The following DDX10 variants were observed in gnomAD, a reference collection of about 807,000 sequenced individuals.
DDX10 encodes DEAD-box helicase 10, also known as probable ATP-dependent RNA helicase DDX10.
In DDX10, 74 loss-of-function variants were observed where a neutral mutation model predicts 104.3. That is an observed-to-expected ratio of 0.71 (90% CI 0.59 to 0.86). DDX10 has a LOEUF of 0.86. Among genes scored for constraint, DDX10 ranks in the 40% least tolerant of loss-of-function variants. The pLI, the probability that DDX10 is intolerant of heterozygous loss-of-function variation, is 0.00. For missense variants in DDX10, 952 were observed against 1,040.0 expected (o/e 0.92, Z 1.16); for synonymous variants, 351 against 353.4 (o/e 0.99, Z 0.08).
chr11:108,743,013 G>A (rs569386596), intron 13 of DDX10, among the ~76,000 whole-genome samples: 1 of 152,166 alleles, frequency 6.6e-6, no homozygotes, highest in Admixed American at 6.5e-5. Context: ...GAGGAGAAGG[G>A]ACCTCCTCCT....
At chr11:108,789,127 C>G (rs12807367) in intron 13 of DDX10, among the ~76,000 whole-genome samples, 3 of 152,106 alleles carry the variant, frequency 2.0e-5, no homozygotes, top group Non-Finnish European at 4.4e-5. Flanking sequence ...AAAGGAAGTT[C>G]TAAATAATTG....
At chr11:108,861,467 A>G (rs1238656777) in intron 16 of DDX10, among the ~76,000 whole-genome samples, 1 of 152,248 alleles carries the variant, frequency 6.6e-6, no homozygotes, top group Admixed American at 6.5e-5. Flanking sequence ...GAAATGTTAT[A>G]TATGAAGGAA....
At chr11:108,933,897 C>T (rs949697581) in intron 17 of DDX10, among the ~76,000 whole-genome samples, 4 of 152,186 alleles carry the variant, frequency 2.6e-5, no homozygotes, top group African/African-American at 9.7e-5. Context: ...TGGGTTTATT[C>T]ATGTCTTCAA....
At chr11:108,665,601 C>T (rs1372062167) in intron 1 of DDX10, among the ~76,000 whole-genome samples, 2 of 152,064 alleles carry the variant, frequency 1.3e-5, no homozygotes, top group Admixed American at 6.5e-5. Context: ...CAGTCATATT[C>T]ATATTAATAA....
At chr11:108,870,747 C>G (rs762150080) in intron 16 of DDX10, among the ~76,000 whole-genome samples, 3 of 152,158 alleles carry the variant, frequency 2.0e-5, no homozygotes, top group Non-Finnish European at 4.4e-5. Flanking sequence ...TAAATACATA[C>G]TAGTTTGTTG....
intron 16 of DDX10, among the ~76,000 whole-genome samples, chr11:108,891,286 T>C (rs1364894187): frequency 1.3e-5 from 2 of 152,218 alleles, no homozygotes; most frequent in East Asian, 3.9e-4. Flanking sequence ...CAGTGGTTCC[T>C]GTGCTCCCAA....
chr11:108,794,795 G>A (rs1168687127), intron 13 of DDX10, among the ~76,000 whole-genome samples: 1 of 151,546 alleles, frequency 6.6e-6, no homozygotes, highest in African/African-American at 2.4e-5. Flanking sequence ...CTATGTTTGC[G>A]AAACCTGTTC....
rs561629858 is a variant in DDX10 at position 108,929,192 on chromosome 11, G to A, written c.2451-11054G>A. Reference sequence around the variant, plus strand: ...ACTGGACCCCAGCCCCTCATAGAGCGTACGCTCCAGCAAGAGAGACAGACC... The same window carrying A: ...ACTGGACCCCAGCCCCTCATAGAGCATACGCTCCAGCAAGAGAGACAGACC... On this transcript the variant is annotated intron_variant, in intron 17 of 17. Transcript: ENST00000322536. Among the ~76,000 whole-genome samples the A allele has an allele frequency of 1.2e-4, 18 of 152,272 alleles. No homozygotes were observed. The South Asian group carries it at 3.1e-3, about 26-fold the overall frequency.
At chr11:108,713,934 A>C (rs2094287934) in intron 10 of DDX10, among the ~76,000 whole-genome samples, 1 of 152,112 alleles carries the variant, frequency 6.6e-6, no homozygotes. Context: ...ACCCCAACTT[A>C]AGTGGGAAAG....
chr11:108,939,753 T>G (rs1864082168), intron 17 of DDX10, among the ~76,000 whole-genome samples: 1 of 152,242 alleles, frequency 6.6e-6, no homozygotes, highest in South Asian at 2.1e-4. Flanking sequence ...ATTTGATGTC[T>G]TAACTAATCT....
intron 16 of DDX10, among the ~76,000 whole-genome samples, chr11:108,892,560 G>A (rs1221724322): frequency 6.6e-6 from 1 of 151,982 alleles, no homozygotes; most frequent in African/African-American, 2.4e-5. Flanking sequence ...AGTAATGCCC[G>A]TGCAATCAGC....
At chr11:108,714,246 C>T (rs1024952335) in intron 10 of DDX10, among the ~76,000 whole-genome samples, 11 of 152,176 alleles carry the variant, frequency 7.2e-5, no homozygotes, top group Admixed American at 2.0e-4. Context: ...ATTGAGGCTC[C>T]AGCAGGTTTT....
chr11:108,884,387 T>C (rs1863266673), intron 16 of DDX10, among the ~76,000 whole-genome samples: 1 of 152,140 alleles, frequency 6.6e-6, no homozygotes, highest in Admixed American at 6.5e-5. Context: ...AGTCTACATA[T>C]GGACCATCCG....
intron 16 of DDX10, among the ~76,000 whole-genome samples, chr11:108,883,363 A>T (rs567908462): frequency 1.3e-5 from 2 of 152,252 alleles, no homozygotes; most frequent in East Asian, 3.9e-4. Context: ...GTGCCTTTCC[A>T]TCTGTTACCA....
chr11:108,830,154 G>A (rs1271027074), intron 13 of DDX10, among the ~76,000 whole-genome samples: 1 of 152,158 alleles, frequency 6.6e-6, no homozygotes, highest in African/African-American at 2.4e-5. Context: ...GCTTTTGACA[G>A]TATGGTCATT....
chr11:108,709,304 T>C (rs1375383592), intron 10 of DDX10, among the ~76,000 whole-genome samples: 1 of 152,220 alleles, frequency 6.6e-6, no homozygotes, highest in Non-Finnish European at 1.5e-5. Flanking sequence ...AGTGGCCTCA[T>C]AGAATGAGTT....
At chr11:108,874,139 T>G (rs1425271847) in intron 16 of DDX10, among the ~76,000 whole-genome samples, 1 of 152,110 alleles carries the variant, frequency 6.6e-6, no homozygotes, top group Non-Finnish European at 1.5e-5. Context: ...GGATATGCAG[T>G]AAAATCAGTG....
intron 10 of DDX10, among the ~76,000 whole-genome samples, chr11:108,710,283 A>G (rs1468570620): frequency 1.3e-5 from 2 of 152,066 alleles, no homozygotes; most frequent in African/African-American, 4.8e-5. Context: ...TTCTTCAGTA[A>G]CCTTAGCTTG....
intron 17 of DDX10, among the ~76,000 whole-genome samples, chr11:108,938,692 T>C (rs937991412): frequency 2.0e-5 from 3 of 152,200 alleles, no homozygotes; most frequent in African/African-American, 7.2e-5. Flanking sequence ...AATGCAGTGA[T>C]TTGTGGCTTT....
Sources: gnomAD v4.1 joint callset for allele counts (sites outside exome capture counted in the v4.1 genomes callset) on GRCh38, gnomAD v4.1.1 for gene constraint, MANE v1.5 for transcripts, NCBI Gene and HGNC (gene_info 2026-07-23, HGNC 2026-07-21) for gene names.